STAG2: variants seen among roughly 807,000 people sequenced by gnomAD.
STAG2 encodes the protein STAG2 cohesin complex component.
STAG2 carries 14 observed loss-of-function variants against 108.1 expected under a neutral mutation model. The observed-to-expected ratio is 0.13, with a 90% CI of 0.09 to 0.20. STAG2 has a LOEUF of 0.20. STAG2 is among the 10% of genes least tolerant of loss of function. The pLI, the probability that STAG2 is intolerant of heterozygous loss-of-function variation, is 1.00. For synonymous variants in STAG2, 307 were observed against 302.7 expected (o/e 1.01, Z -0.15); for missense variants, 440 against 940.9 (o/e 0.47, Z 6.96).
intron 1 of STAG2, among the ~76,000 whole-genome samples, chrX:123,974,648 G>A (rs926253987): frequency 2.9e-4 from 29 of 101,614 alleles, no homozygotes; most frequent in Non-Finnish European, 5.3e-4. Context: ...GCGTGATCTC[G>A]GCTCACTGCA....
At chrX:123,997,411 T>C (rs1339962814) in intron 1 of STAG2, among the ~76,000 whole-genome samples, 1 of 111,650 alleles carries the variant, frequency 9.0e-6, no homozygotes, top group Non-Finnish European at 1.9e-5. Flanking sequence ...TTCTAGCAAC[T>C]TAAAAAATTT....
chrX:124,012,975 A>G (rs747054793), intron 1 of STAG2, among the ~76,000 whole-genome samples: 6 of 111,785 alleles, frequency 5.4e-5, no homozygotes, highest in Non-Finnish European at 1.1e-4. Flanking sequence ...CCCAACATCA[A>G]GCAGGATTAT....
chrX:124,007,413 G>A (rs1216498664), intron 1 of STAG2, among the ~76,000 whole-genome samples: 1 of 110,485 alleles, frequency 9.1e-6, no homozygotes, highest in African/African-American at 3.3e-5. Flanking sequence ...TTCTCTGTAT[G>A]TCTGTGTTAT....
At chrX:124,076,194 T>A (rs1272760538) in intron 25 of STAG2, 138 bp from the exon 26 acceptor site, 2 of 592,103 alleles carry the variant, frequency 3.4e-6, no homozygotes, top group African/African-American at 4.7e-5. Flanking sequence ...GAATAAATTA[T>A]GAATGGTTAT....
intron 7 of STAG2, 109 bp from the exon 8 acceptor site, chrX:124,045,055 G>A (rs1401792344): frequency 4.7e-6 from 3 of 642,384 alleles, no homozygotes; most frequent in East Asian, 6.5e-5. Context: ...GGAGAAGAAA[G>A]GTGAGATAAA....
chrX:123,985,472 A>G (rs1049796315), intron 1 of STAG2, among the ~76,000 whole-genome samples: 1 of 111,643 alleles, frequency 9.0e-6, no homozygotes, highest in African/African-American at 3.3e-5. Flanking sequence ...ATCAAATGTA[A>G]TAGTAGCAAT....
At chrX:124,008,946 CAAAT>C (rs1005042175) in intron 1 of STAG2, among the ~76,000 whole-genome samples, 3 of 110,507 alleles carry the variant, frequency 2.7e-5, no homozygotes, top group African/African-American at 9.9e-5. Flanking sequence ...AATGACTTAA[CAAAT>C]AAACCATTGT....
chrX:124,068,409 A>G (rs2058592404), intron 23 of STAG2, among the ~76,000 whole-genome samples, 155 bp from the exon 24 acceptor site: 1 of 112,189 alleles, frequency 8.9e-6, no homozygotes, highest in Non-Finnish European at 1.9e-5. Context: ...CTTTGTTTTC[A>G]TTTCTTATAA....
At position 124,047,701 on chromosome X, in the gene STAG2, G is replaced by A. The variant is rs6655780; in HGVS notation, c.819+196G>A. 0.16 allele frequency among the ~76,000 whole-genome samples: 17,600 copies of A among 111,268 alleles called. 1,165 individuals carry two copies. The highest frequency in any genetic ancestry group is 0.36 in the South Asian group (966 of 2,651). On this transcript the variant is annotated intron_variant, in intron 9 of 34. Transcript: ENST00000371145. ...CTGTTTTCTTATTTTCAACCTGCGT[G>A]GACTAGTATTAAGAGTGGCTTTAAG...
At chrX:123,972,334 A>T (rs2054390024) in intron 1 of STAG2, among the ~76,000 whole-genome samples, 1 of 104,952 alleles carries the variant, frequency 9.5e-6, no homozygotes, top group South Asian at 4.3e-4. Flanking sequence ...GCAGTGGCGC[A>T]ATCTCAGCTC....
intron 1 of STAG2, among the ~76,000 whole-genome samples, chrX:123,963,888 T>C (rs2053979771): frequency 8.9e-6 from 1 of 111,992 alleles, no homozygotes; most frequent in Non-Finnish European, 1.9e-5. Context: ...TAGTTTTTGA[T>C]ACTTTTGCTA....
intron 24 of STAG2, among the ~76,000 whole-genome samples, chrX:124,069,101 A>C (rs1435830649): frequency 9.0e-6 from 1 of 111,570 alleles, no homozygotes; most frequent in East Asian, 2.8e-4. Context: ...AAACATTTAT[A>C]ATCACTTCCC....
intron 34 of STAG2, among the ~76,000 whole-genome samples, chrX:124,098,340 G>A (rs947251438): frequency 2.7e-5 from 3 of 111,000 alleles, no homozygotes; most frequent in Non-Finnish European, 3.8e-5. Context: ...AAAGGCTTAG[G>A]TGTCTTTAGA....
At chrX:124,093,047 T>G (rs889011897) in intron 32 of STAG2, among the ~76,000 whole-genome samples, 1 of 111,412 alleles carries the variant, frequency 9.0e-6, no homozygotes, top group Non-Finnish European at 1.9e-5. Context: ...TTCTTGACTG[T>G]GGGGGTGTCT....
intron 20 of STAG2, 134 bp from the exon 21 acceptor site, chrX:124,065,742 A>C (rs1343300021): frequency 5.1e-6 from 2 of 388,731 alleles, no homozygotes; most frequent in Non-Finnish European, 8.3e-6. Context: ...ATTTGGCCAG[A>C]TCTAGGTATT....
chrX:123,963,118 C>A (rs974325519), intron 1 of STAG2: 1 of 111,272 alleles, frequency 9.0e-6, no homozygotes, highest in Non-Finnish European at 1.9e-5. Context: ...GTCAGCACCG[C>A]TGCTGGGGGC....
Position 123,961,783 on chromosome X carries a change from C to T in STAG2, c.-236C>T, listed in dbSNP as rs1012397950. On this transcript the variant is annotated 5_prime_UTR_variant, in exon 1 of 35. Transcript: ENST00000371145. ...TGCTTCTCCCCCGCCCCATCATCTC[C>T]AGCGCGTGGTGGGGGAACTGCTGGG... 1 of 109,089 alleles carries T rather than the reference C, an allele frequency of 9.2e-6. No homozygotes were observed. The highest frequency in any genetic ancestry group is 3.4e-5 in the African/African-American group (1 of 29,629). 9.0% of individuals were successfully genotyped at this position (109,089 alleles called of 1,213,427 possible). A position where few individuals can be genotyped will look rare whatever the true frequency, so the allele number is the denominator to read the frequency against.
chrX:124,095,465 A>ATG lies in STAG2; in HGVS notation c.3783+18_3783+19dup. ...GGATGAATCAGTAGGTTTAATTTAA[A>ATG]TGTACCCTAGGATTGCAAAATCAGA... On this transcript the variant is annotated intron_variant, in intron 34 of 34. Coordinates refer to ENST00000371145, the MANE Select transcript of STAG2 (RefSeq NM_001042750.2). 1 of 1,168,738 alleles carries ATG rather than the reference A, an allele frequency of 8.6e-7. No homozygotes were observed. The highest frequency in any genetic ancestry group is 1.8e-5 in the African/African-American group (1 of 56,999).
At chrX:123,968,938 G>C (rs974594807) in intron 1 of STAG2, among the ~76,000 whole-genome samples, 1 of 111,838 alleles carries the variant, frequency 8.9e-6, no homozygotes, top group Non-Finnish European at 1.9e-5. Flanking sequence ...TTCACACTCA[G>C]ATTAGCCTGG....
Sources: gnomAD v4.1 joint callset for allele counts (sites outside exome capture counted in the v4.1 genomes callset) on GRCh38, gnomAD v4.1.1 for gene constraint, MANE v1.5 for transcripts, NCBI Gene and HGNC (gene_info 2026-07-23, HGNC 2026-07-21) for gene names.